RGS7: variants seen among roughly 807,000 people sequenced by gnomAD.
RGS7 encodes the protein regulator of G-protein signaling 7.
Under a neutral mutation model 81.1 loss-of-function variants are expected in RGS7, and 27 were observed. The ratio of observed to expected loss-of-function variants is 0.33; its 90% CI spans 0.25 to 0.46. RGS7 has a LOEUF of 0.46. Ranked by LOEUF, RGS7 falls within the 20% of genes least tolerant of loss-of-function variation. The pLI, the probability that RGS7 is intolerant of heterozygous loss-of-function variation, is 1.00. For synonymous variants in RGS7, 208 were observed against 207.7 expected, an observed-to-expected ratio of 1.00 and a Z score of -0.01; for missense variants, 396 against 607.4, an observed-to-expected ratio of 0.65 and a Z score of 3.66.
At chr1:240,847,549 G>A (rs1398002579) in intron 9 of RGS7, among the ~76,000 whole-genome samples, 2 of 152,174 alleles carry the variant, frequency 1.3e-5, no homozygotes, top group African/African-American at 2.4e-5. Context: ...ACAGTGGCAG[G>A]AGTGGGAAGA....
intron 2 of RGS7, among the ~76,000 whole-genome samples, chr1:241,324,293 C>G (rs2081368512): frequency 6.6e-6 from 1 of 151,772 alleles, no homozygotes; most frequent in South Asian, 2.1e-4. Flanking sequence ...AGATGTTTTG[C>G]CTTGGAGACA....
At chr1:241,053,203 A>G (rs2061336200) in intron 3 of RGS7, among the ~76,000 whole-genome samples, 1 of 152,104 alleles carries the variant, frequency 6.6e-6, no homozygotes, top group Admixed American at 6.6e-5. Flanking sequence ...TTGTTCTTAG[A>G]TGTCCCTCCT....
At chr1:241,254,250 A>G (rs1330599991) in intron 2 of RGS7, among the ~76,000 whole-genome samples, 4 of 151,980 alleles carry the variant, frequency 2.6e-5, no homozygotes, top group East Asian at 1.9e-4. Flanking sequence ...GCCATGCTGT[A>G]AAGGGGTTAG....
chr1:241,172,027 T>C (rs1464033072), intron 2 of RGS7, among the ~76,000 whole-genome samples: 5 of 152,196 alleles, frequency 3.3e-5, no homozygotes, highest in African/African-American at 9.7e-5. Flanking sequence ...CACAATTTAA[T>C]AAATGGAAAA....
intron 2 of RGS7, among the ~76,000 whole-genome samples, chr1:241,276,668 T>C (rs1436623881): frequency 6.6e-6 from 1 of 152,196 alleles, no homozygotes; most frequent in Non-Finnish European, 1.5e-5. Context: ...TCTTCTCTGA[T>C]AAAAGTATTT....
At position 241,086,638 on chromosome 1, in the gene RGS7, GA is replaced by G. The variant is rs370850594; in HGVS notation, c.175+12027del. On this transcript the variant is annotated intron_variant, in intron 3 of 18. Coordinates refer to ENST00000440928, the MANE Select transcript of RGS7 (RefSeq NM_001364886.1). Reference sequence around the variant, plus strand: ...CCCCCCACCCAGAGGAATATGTTTGGAAAAAAAAAAAGAAAAACAAATACTG... The same window carrying G: ...CCCCCCACCCAGAGGAATATGTTTGGAAAAAAAAAAGAAAAACAAATACTG... 7.2e-3 allele frequency among the ~76,000 whole-genome samples: 1,011 copies of G among 140,968 alleles called. 12 individuals are homozygous for G. The highest frequency in any genetic ancestry group is 0.023 in the African/African-American group (900 of 38,574). 92.5% of individuals were successfully genotyped at this position (140,968 alleles called of 152,430 possible).
chr1:241,150,641 G>T (rs1210718464), intron 2 of RGS7, among the ~76,000 whole-genome samples: 1 of 152,196 alleles, frequency 6.6e-6, no homozygotes, highest in African/African-American at 2.4e-5. Flanking sequence ...AGCCCCTGGG[G>T]TTTGGAAACT....
At chr1:241,279,457 T>C (rs1558267691) in intron 2 of RGS7, among the ~76,000 whole-genome samples, 1 of 152,262 alleles carries the variant, frequency 6.6e-6, no homozygotes. Flanking sequence ...CACTTAGCTA[T>C]GTATCATGTA....
chr1:240,912,228 A>T (rs1182492730), intron 6 of RGS7, among the ~76,000 whole-genome samples: 1 of 150,988 alleles, frequency 6.6e-6, no homozygotes, highest in Non-Finnish European at 1.5e-5. Context: ...GTGTGATGTA[A>T]GCTGGTAAGT....
At chr1:240,795,624 G>A (rs1307738456) in intron 18 of RGS7, among the ~76,000 whole-genome samples, 1 of 152,046 alleles carries the variant, frequency 6.6e-6, no homozygotes, top group African/African-American at 2.4e-5. Context: ...ACCTATAAAA[G>A]CAATGAATAA....
intron 2 of RGS7, among the ~76,000 whole-genome samples, chr1:241,109,269 A>G (rs1331731757): frequency 6.6e-6 from 1 of 151,718 alleles, no homozygotes; most frequent in Non-Finnish European, 1.5e-5. Flanking sequence ...TCCCTTTTCC[A>G]TCTGTGCCTG....
chr1:241,341,505 G>A (rs1297784920), intron 2 of RGS7, among the ~76,000 whole-genome samples: 1 of 152,056 alleles, frequency 6.6e-6, no homozygotes, highest in East Asian at 1.9e-4. Flanking sequence ...CATGCTGCTA[G>A]TCCTTTAAAC....
Position 241,259,768 on chromosome 1 carries a change from G to T in RGS7, c.78+95931C>A, listed in dbSNP as rs370998605. Among the ~76,000 whole-genome samples, 57 of 150,216 alleles carry T rather than the reference G, an allele frequency of 3.8e-4. 1 individual carries two copies. In the Middle Eastern group the frequency reaches 0.011, roughly 28 times the overall value. ...CAGGACAAAGCCTGCAGGACACAAGGTCCCTGTGCCACCTGCATCTGTCAC... is the reference window on the plus strand; with the variant it reads ...CAGGACAAAGCCTGCAGGACACAAGTTCCCTGTGCCACCTGCATCTGTCAC... On this transcript the variant is annotated intron_variant, in intron 2 of 18. Transcript: ENST00000440928.
chr1:241,194,451 C>G (rs1220968946), intron 2 of RGS7, among the ~76,000 whole-genome samples: 1 of 152,186 alleles, frequency 6.6e-6, no homozygotes, highest in Admixed American at 6.5e-5. Context: ...CAGTGTAGCT[C>G]TAACTAAAAG....
intron 2 of RGS7, among the ~76,000 whole-genome samples, chr1:241,337,792 C>T (rs953947220): frequency 4.6e-5 from 7 of 152,158 alleles, no homozygotes; most frequent in East Asian, 1.9e-4. Flanking sequence ...TCAGTACTTC[C>T]GTACATACTC....
intron 4 of RGS7, among the ~76,000 whole-genome samples, chr1:240,976,530 C>T (rs961853010): frequency 1.2e-4 from 18 of 152,204 alleles, no homozygotes; most frequent in Middle Eastern, 3.4e-3. Flanking sequence ...GATTACTCTT[C>T]GTAATGTGGG....
At chr1:241,225,557 GA>G (rs1427057907) in intron 2 of RGS7, among the ~76,000 whole-genome samples, 2 of 152,194 alleles carry the variant, frequency 1.3e-5, no homozygotes, top group Non-Finnish European at 2.9e-5. Flanking sequence ...CTGGCTGGAT[GA>G]ATCAGTGAAT....
intron 3 of RGS7, among the ~76,000 whole-genome samples, chr1:241,038,995 GAAAAGAA>G (rs1172437449): frequency 6.6e-6 from 1 of 151,786 alleles, no homozygotes; most frequent in Non-Finnish European, 1.5e-5. Context: ...AAAAGAAAAG[GAAAAGAA>G]AAAAGAATGA....
chr1:241,010,704 T>C (rs1207445547), intron 3 of RGS7, among the ~76,000 whole-genome samples: 1 of 152,144 alleles, frequency 6.6e-6, no homozygotes, highest in Admixed American at 6.5e-5. Flanking sequence ...TTTGCGGTTT[T>C]GTGACTTTCA....
Sources: allele counts gnomAD v4.1 joint callset (sites outside exome capture counted in the v4.1 genomes callset), GRCh38; gene constraint gnomAD v4.1.1; transcripts MANE v1.5; gene names NCBI Gene and HGNC (gene_info 2026-07-23, HGNC 2026-07-21).